The following KCNMA1 variants were observed in gnomAD, a reference collection of about 807,000 sequenced individuals.
KCNMA1 encodes potassium calcium-activated channel subfamily M alpha 1, also known as Calcium-activated potassium channel subunit alpha-1.
In KCNMA1, 29 loss-of-function variants were observed where a neutral mutation model predicts 140.0. The observed-to-expected ratio is 0.21, with a 90% CI of 0.15 to 0.28. KCNMA1 has a LOEUF of 0.28. KCNMA1 is among the 10% of genes least tolerant of loss of function. The pLI is 1.00. For missense variants in KCNMA1, 880 were observed against 1,602.2 expected (o/e 0.55, Z 7.70); for synonymous variants, 612 against 611.9 (o/e 1.00, Z 0.00).
At chr10:77,262,860 T>A (rs2062395061) in intron 2 of KCNMA1, among the ~76,000 whole-genome samples, 1 of 152,120 alleles carries the variant, frequency 6.6e-6, no homozygotes, top group South Asian at 2.1e-4. Flanking sequence ...CTTTATAAAT[T>A]ACCCATCTTC....
At chr10:76,952,101 C>A in intron 21 of KCNMA1, 1 of 1,552,242 alleles carries the variant, frequency 6.4e-7, no homozygotes, top group Non-Finnish European at 8.7e-7. Flanking sequence ...GCATACTACA[C>A]CAATATCCAG....
At position 77,382,884 on chromosome 10, in the gene KCNMA1, AAATAT is replaced by A. The variant is rs1250456260; in HGVS notation, c.540+20973_540+20977del. ...CCGTCTCAAAAAAAAAAAAAAAAAA[AAATAT>A]ATATATATATATATACACACACACA... On this transcript the variant is annotated intron_variant, in intron 2 of 27. Coordinates refer to ENST00000286628, the MANE Select transcript of KCNMA1 (RefSeq NM_001161352.2). 1.1e-4 allele frequency among the ~76,000 whole-genome samples: 13 copies of A among 123,722 alleles called. 1 individual carries two copies. The highest frequency in any genetic ancestry group is 4.0e-4 in the African/African-American group (12 of 30,276). The allele number at this position is 123,722 out of a possible 152,430, so 81.2% of individuals were successfully genotyped here.
chr10:77,201,056 G>A (rs1170764583), intron 3 of KCNMA1, among the ~76,000 whole-genome samples: 3 of 152,138 alleles, frequency 2.0e-5, no homozygotes, highest in South Asian at 2.1e-4. Flanking sequence ...AGTTTCCAGA[G>A]GGCTGCCTGA....
chr10:77,175,318 A>AT (rs2098743409), intron 5 of KCNMA1, among the ~76,000 whole-genome samples: 1 of 152,174 alleles, frequency 6.6e-6, no homozygotes, highest in Non-Finnish European at 1.5e-5. Flanking sequence ...GGCTATGAAT[A>AT]TTTACTCATC....
chr10:77,253,302 G>A (rs1166868704), intron 2 of KCNMA1, among the ~76,000 whole-genome samples: 1 of 152,210 alleles, frequency 6.6e-6, no homozygotes, highest in East Asian at 1.9e-4. Flanking sequence ...ATCTGTGAAT[G>A]CTGAGCATCT....
chr10:77,218,027 C>A (rs2048356138), intron 3 of KCNMA1, among the ~76,000 whole-genome samples: 1 of 152,054 alleles, frequency 6.6e-6, no homozygotes, highest in African/African-American at 2.4e-5. Context: ...TTGAGAAGAT[C>A]CTTCTCAGGG....
chr10:77,636,987 A>G, intron 1 of KCNMA1: 1 of 1,407,266 alleles, frequency 7.1e-7, no homozygotes, highest in Non-Finnish European at 9.2e-7. Context: ...CCCCGGCCCC[A>G]GCCGCAGCCG....
At chr10:77,607,940 CAA>C (rs1159239432) in intron 1 of KCNMA1, among the ~76,000 whole-genome samples, 1 of 152,168 alleles carries the variant, frequency 6.6e-6, no homozygotes, top group Non-Finnish European at 1.5e-5. Context: ...AAGTAATTCA[CAA>C]AAGAGACCCA....
At chr10:77,626,525 C>A (rs567636212) in intron 1 of KCNMA1, among the ~76,000 whole-genome samples, 112 of 152,304 alleles carry the variant, frequency 7.4e-4, no homozygotes, top group Non-Finnish European at 1.3e-3. Flanking sequence ...CCTTAGAACA[C>A]TTATCTCTGA....
chr10:77,513,691 A>G (rs2049243399), intron 1 of KCNMA1, among the ~76,000 whole-genome samples: 1 of 152,228 alleles, frequency 6.6e-6, no homozygotes. Context: ...CAAGCAACCA[A>G]TTTTGTTAAA....
At chr10:77,100,727 G>T (rs1356588808) in intron 9 of KCNMA1, among the ~76,000 whole-genome samples, 1 of 152,156 alleles carries the variant, frequency 6.6e-6, no homozygotes, top group Non-Finnish European at 1.5e-5. Flanking sequence ...AAAACAGGGG[G>T]CAACCTAGTC....
intron 5 of KCNMA1, among the ~76,000 whole-genome samples, chr10:77,137,701 G>A (rs1386821842): frequency 6.6e-6 from 1 of 152,180 alleles, no homozygotes; most frequent in African/African-American, 2.4e-5. Flanking sequence ...CAGAATGTGT[G>A]TTCTATAAAC....
chr10:77,587,813 T>C (rs2077705603), intron 1 of KCNMA1: 1 of 985,210 alleles, frequency 1.0e-6, no homozygotes, highest in Non-Finnish European at 1.2e-6. Context: ...GGGCCCCAGG[T>C]GGAGTTATCT....
chr10:77,094,276 G>A, intron 9 of KCNMA1, among the ~76,000 whole-genome samples: 1 of 152,134 alleles, frequency 6.6e-6, no homozygotes, highest in Admixed American at 6.5e-5. Context: ...GCATCCCACA[G>A]CAAGTAAAAG....
At position 77,268,045 on chromosome 10, in the gene KCNMA1, G is replaced by A. The variant is rs188598899; in HGVS notation, c.541-16789C>T. Among the ~76,000 whole-genome samples the A allele has an allele frequency of 1.8e-3, 281 of 152,280 alleles. 1 individual carries two copies. Among genetic ancestry groups the A allele is most frequent in the Non-Finnish European group, 3.1e-3 (212 of 68,018 alleles). On this transcript the variant is annotated intron_variant, in intron 2 of 27. Transcript: ENST00000286628. ...TGATGTCCTGGAATAATTATTAAGA[G>A]CACCTCCTTTCCACTCTCACAAGTG...
At chr10:77,204,084 A>G (rs2043276874) in intron 3 of KCNMA1, among the ~76,000 whole-genome samples, 1 of 150,874 alleles carries the variant, frequency 6.6e-6, no homozygotes, top group African/African-American at 2.4e-5. Flanking sequence ...GGACACAGTG[A>G]GACTCCCTCT....
intron 1 of KCNMA1, among the ~76,000 whole-genome samples, chr10:77,471,279 A>G (rs2098143385): frequency 6.6e-6 from 1 of 150,546 alleles, no homozygotes; most frequent in African/African-American, 2.5e-5. Flanking sequence ...CACAATACAC[A>G]CCACACATGT....
chr10:77,332,731 AATGAGATAGG>A (rs2086955709), intron 2 of KCNMA1, among the ~76,000 whole-genome samples: 1 of 152,226 alleles, frequency 6.6e-6, no homozygotes, highest in African/African-American at 2.4e-5. Flanking sequence ...AAGGAGGCCA[AATGAGATAGG>A]ATAGGGATTC....
rs572918917 is a variant in KCNMA1 at position 77,590,171 on chromosome 10, T to TAA, written c.378+47092_378+47093dup. 1.7e-3 allele frequency among the ~76,000 whole-genome samples: 252 copies of TAA among 152,286 alleles called. 2 individuals carry two copies. Among genetic ancestry groups the TAA allele is most frequent in the African/African-American group, 5.8e-3 (241 of 41,568 alleles). The stretch of plus-strand genomic sequence containing the variant: ...GTATTTACAATCTCTTAGCTAGACA[T>TAA]AAAGGTTTTCCAAGTCCCCACCAGA... On this transcript the variant is annotated intron_variant, in intron 1 of 27. Transcript: ENST00000286628.
Sources: allele counts gnomAD v4.1 joint callset (sites outside exome capture counted in the v4.1 genomes callset), GRCh38; gene constraint gnomAD v4.1.1; transcripts MANE v1.5; gene names NCBI Gene and HGNC (gene_info 2026-07-23, HGNC 2026-07-21).